Variants in RPL28 observed in about 807,000 individuals in gnomAD.
RPL28 encodes the protein ribosomal protein L28.
In RPL28, 4 loss-of-function variants were observed where a neutral mutation model predicts 12.5. The observed-to-expected ratio is 0.32, with a 90% CI of 0.16 to 0.73. The LOEUF is 0.73. Ranked by LOEUF, RPL28 falls within the 30% of genes least tolerant of loss-of-function variation. RPL28 has a pLI of 0.66. For synonymous variants in RPL28, 91 were observed against 72.5 expected, an observed-to-expected ratio of 1.26 and a Z score of -1.30; for missense variants, 214 against 197.7, an observed-to-expected ratio of 1.08 and a Z score of -0.49.
chr19:55,397,872 G>T (rs912102978), intron 4 of RPL28, among the ~76,000 whole-genome samples: 1 of 152,042 alleles, frequency 6.6e-6, no homozygotes, highest in Non-Finnish European at 1.5e-5. Context: ...TCTTCTTAAA[G>T]AAAACAACCT....
intron 4 of RPL28, among the ~76,000 whole-genome samples, chr19:55,397,392 T>G (rs2090030956): frequency 6.6e-6 from 1 of 152,190 alleles, no homozygotes; most frequent in South Asian, 2.1e-4. Context: ...TTTTTGTTTT[T>G]GTTTTGAGAC....
In RPL28 at chr19:55,388,534, C is replaced by A; in HGVS notation, c.*202C>A. ...GGAGGGGTGGGGTAGCTGCCTTGTC[C>A]CTGGTGAGGGCAAGGGTCACTGTCT... On this transcript the variant is annotated 3_prime_UTR_variant, in exon 5 of 5. Transcript: ENST00000344063. 7.8e-7 allele frequency: 1 copy of A among 1,289,100 alleles called. No individual in the cohort carries two copies. Among genetic ancestry groups the A allele is most frequent in the Non-Finnish European group, 9.8e-7 (1 of 1,017,022 alleles). The allele number at this position is 1,289,100 out of a possible 1,614,324, so 79.9% of individuals were successfully genotyped here.
Position 55,391,487 on chromosome 19 carries a change from G to T in RPL28, c.*3155G>T. ...AGGCTGCCAAGCCCAAAGTTGTGCA[G>T]AGCGCTGGGGACTCCAGACTCCCCA... On this transcript the variant is annotated 3_prime_UTR_variant, in exon 5 of 5. Coordinates refer to ENST00000344063, the MANE Select transcript of RPL28 (RefSeq NM_000991.5). The T allele has an allele frequency of 7.2e-7, 1 of 1,395,964 alleles. No homozygotes were observed. The highest frequency in any genetic ancestry group is 1.7e-5 in the South Asian group (1 of 58,736). The allele number at this position is 1,395,964 out of a possible 1,614,324, so 86.5% of individuals were successfully genotyped here.
At chr19:55,386,148 C>T (rs148371253) in intron 1 of RPL28, 183 bp downstream of exon 1, 3 of 583,724 alleles carry the variant, frequency 5.1e-6, no homozygotes, top group Admixed American at 3.0e-5. Flanking sequence ...CAGCTAGTCT[C>T]GGCTGCCTGA....
rs1487985430 is a variant in RPL28 at position 55,388,317 on chromosome 19, C to A, written c.399C>A (p.Pro133=). The A allele has an allele frequency of 1.9e-6, 3 of 1,574,646 alleles. No homozygotes were observed. The African/African-American group carries it at 4.1e-5, about 21-fold the overall frequency. The stretch of plus-strand genomic sequence containing the variant: ...TGGTGAAGAGGAAGCGGACCCGCCC[C>A]ACCAAGAGCTCCTGAGCCCCCTGCC... The part of the protein sequence containing the change: ...PVMVKRKRTR[P]TKSS The change falls in exon 5 of 5, where the codon CCC becomes CCA. Residue 133 remains proline, a synonymous_variant. Transcript: ENST00000344063.
At chr19:55,400,481 C>T (rs1283611835) in intron 4 of RPL28, 1 of 152,168 alleles carries the variant, frequency 6.6e-6, no homozygotes, top group Non-Finnish European at 1.5e-5. Flanking sequence ...GTGATTTAGT[C>T]ATTATCACTT....
intron 2 of RPL28, 43 bp from the exon 3 acceptor site, chr19:55,386,527 C>T (rs776484742): frequency 1.3e-6 from 2 of 1,598,840 alleles, no homozygotes; most frequent in African/African-American, 2.7e-5. Flanking sequence ...TCGCATGTCT[C>T]CGGGTCCCTT....
In RPL28 at chr19:55,401,805, C is replaced by T. The variant is rs182786853; in HGVS notation, c.325-1138C>T. The T allele has an allele frequency of 1.7e-3, 2,798 of 1,603,810 alleles. 14 individuals are homozygous for T. The highest frequency in any genetic ancestry group is 3.1e-3 in the South Asian group (284 of 90,504). On this transcript the variant is annotated intron_variant, in intron 4 of 4. Coordinates refer to the RPL28 transcript ENST00000560055. ...GGGTCACAGTGGGTCGGGCAACCTA[C>T]AGGGACCCCCAGGCCTCCACAAGAG...
chr19:55,385,963 G>T lies in RPL28; in HGVS notation c.-11G>T, dbSNP rs1057279490. The stretch of plus-strand genomic sequence containing the variant: ...CCGTCTCAGGTCGCCGCTGCGAAGG[G>T]AGGTGAGCGTTCGTCTTCCTCGCGT... On this transcript the variant is annotated splice_region_variant and 5_prime_UTR_variant, in exon 1 of 5. Coordinates refer to ENST00000344063, the MANE Select transcript of RPL28 (RefSeq NM_000991.5). 2 of 254,738 alleles carry T rather than the reference G, an allele frequency of 7.9e-6. No homozygotes were observed. The highest frequency in any genetic ancestry group is 1.6e-5 in the Non-Finnish European group (2 of 124,882). The allele number at this position is 254,738 out of a possible 1,614,324, so 15.8% of individuals were successfully genotyped here. A position where few individuals can be genotyped will look rare whatever the true frequency, so the allele number is the denominator to read the frequency against.
chr19:55,391,500 T>C lies in RPL28; in HGVS notation c.*3168T>C, dbSNP rs1420766755. Reference sequence around the variant, plus strand: ...CAAAGTTGTGCAGAGCGCTGGGGACTCCAGACTCCCCACAGCAGCAGAGAC... The same window carrying C: ...CAAAGTTGTGCAGAGCGCTGGGGACCCCAGACTCCCCACAGCAGCAGAGAC... On this transcript the variant is annotated 3_prime_UTR_variant, in exon 5 of 5. Transcript: ENST00000344063. 1.5e-5 allele frequency: 21 copies of C among 1,446,690 alleles called. No individual in the cohort carries two copies. The highest frequency in any genetic ancestry group is 1.7e-5 in the Non-Finnish European group (19 of 1,086,378). 89.6% of individuals were successfully genotyped at this position (1,446,690 alleles called of 1,614,324 possible). A position where few individuals can be genotyped will look rare whatever the true frequency, so the allele number is the denominator to read the frequency against.
chr19:55,388,199 G>A (rs780884560), intron 4 of RPL28, 44 bp from the exon 5 acceptor site: 2 of 1,511,634 alleles, frequency 1.3e-6, no homozygotes, highest in East Asian at 2.4e-5. Context: ...GGGGCGGCTT[G>A]TGGAGTGTAT....
intron 1 of RPL28, 84 bp from the exon 2 acceptor site, chr19:55,386,266 C>A: frequency 7.7e-7 from 1 of 1,307,128 alleles, no homozygotes; most frequent in Non-Finnish European, 1.1e-6. Flanking sequence ...CGCTCTCTTC[C>A]TCTGCTGTCC....
Position 55,390,478 on chromosome 19 carries a change from T to C in RPL28, c.*2146T>C, listed in dbSNP as rs548190178. 2.0e-4 allele frequency: 196 copies of C among 985,502 alleles called. No individual in the cohort carries two copies. The African/African-American group carries it at 3.2e-3, about 16-fold the overall frequency. 61.0% of individuals were successfully genotyped at this position (985,502 alleles called of 1,614,324 possible). A position where few individuals can be genotyped will look rare whatever the true frequency, so the allele number is the denominator to read the frequency against. On this transcript the variant is annotated 3_prime_UTR_variant, in exon 5 of 5. Transcript: ENST00000344063. ...CCTCAGCCTCCCAAAGTGCTGGCAT[T>C]ACAGGCGCTCGAGGCTTTCTGATGT... is the stretch of plus-strand genomic sequence containing the variant.
intron 1 of RPL28, 21 bp from the exon 2 acceptor site, chr19:55,386,329 C>T (rs926434623): frequency 6.2e-6 from 10 of 1,610,720 alleles, no homozygotes; most frequent in Non-Finnish European, 6.8e-6. Flanking sequence ...TGACGCTTTC[C>T]CTGTGCCCGT....
downstream of RPL28, among the ~76,000 whole-genome samples, chr19:55,395,764 A>G (rs907080112): frequency 6.6e-6 from 1 of 152,148 alleles, no homozygotes; most frequent in African/African-American, 2.4e-5. Context: ...TTTTAAAGAT[A>G]AAAATTTCTA....
downstream of RPL28, among the ~76,000 whole-genome samples, chr19:55,396,764 TAG>T (rs1214787195): frequency 6.8e-6 from 1 of 147,630 alleles, no homozygotes; most frequent in African/African-American, 2.5e-5. Context: ...TGATTTTTAG[TAG>T]AGACAGGGTT....
chr19:55,386,975 A>G (rs1468559880), intron 3 of RPL28: 1 of 1,444,618 alleles, frequency 6.9e-7, no homozygotes, highest in East Asian at 2.5e-5. Context: ...ATGTTTTCAG[A>G]TGAAATTCTC....
chr19:55,389,903 TGTCCCA>T lies in RPL28; in HGVS notation c.*1578_*1583del. Reference sequence around the variant, plus strand: ...TTCGTACCTGCTCAGGAGCCCCCACTGTCCCAGTCCCACTCAGGCCCATCTCTGGCT... The same window carrying T: ...TTCGTACCTGCTCAGGAGCCCCCACTGTCCCACTCAGGCCCATCTCTGGCT... On this transcript the variant is annotated 3_prime_UTR_variant, in exon 5 of 5. Coordinates refer to ENST00000344063, the MANE Select transcript of RPL28 (RefSeq NM_000991.5). 1.0e-6 allele frequency: 1 copy of T among 985,642 alleles called. No individual in the cohort carries two copies. Among genetic ancestry groups the T allele is most frequent in the South Asian group, 4.7e-5 (1 of 21,288 alleles). 61.1% of individuals were successfully genotyped at this position (985,642 alleles called of 1,614,324 possible).
rs529438359 is a variant in RPL28 at position 55,386,668 on chromosome 19, C to G, written c.180C>G (p.Val60=). 3.1e-6 allele frequency: 5 copies of G among 1,614,142 alleles called. No individual in the cohort carries two copies. Among genetic ancestry groups the G allele is most frequent in the African/African-American group, 2.7e-5 (2 of 75,052 alleles). The change falls in exon 3 of 5, where the codon GTC becomes GTG. Residue 60 remains valine, a synonymous_variant. Transcript: ENST00000344063. Reference sequence around the variant, plus strand: ...AGCCGGCAGCCGACGGCAAAGGTGTCGTGGTGGTCATTAAGCGGAGATCCG... The same window carrying G: ...AGCCGGCAGCCGACGGCAAAGGTGTGGTGGTGGTCATTAAGCGGAGATCCG... The part of the protein sequence containing the change: ...GVEPAADGKG[V]VVVIKRRSGQ...
Sources: gnomAD v4.1 joint callset for allele counts (sites outside exome capture counted in the v4.1 genomes callset) on GRCh38, gnomAD v4.1.1 for gene constraint, MANE v1.5 for transcripts, NCBI Gene and HGNC (gene_info 2026-07-23, HGNC 2026-07-21) for gene names.